Variants in AEBP2 observed in about 807,000 individuals in gnomAD.
AEBP2 encodes AE binding protein 2.
Under a neutral mutation model 50.8 loss-of-function variants are expected in AEBP2, and 10 were observed. That is an observed-to-expected ratio of 0.20 (90% confidence interval 0.12 to 0.33). AEBP2 has a LOEUF of 0.33. Among genes scored for constraint, AEBP2 ranks in the 10% least tolerant of loss-of-function variants. The probability of loss-of-function intolerance (pLI) is 1.00; values close to 1 mark genes in which losing one functional copy is unlikely to be tolerated. For missense variants in AEBP2, 570 were observed against 688.0 expected, an observed-to-expected ratio of 0.83 and a Z score of 1.92; for synonymous variants, 296 against 261.3, an observed-to-expected ratio of 1.13 and a Z score of -1.28.
intron 1 of AEBP2, among the ~76,000 whole-genome samples, chr12:19,461,208 C>T (rs913096868): frequency 1.3e-5 from 2 of 152,142 alleles, no homozygotes; most frequent in East Asian, 1.9e-4. Flanking sequence ...AGCAGATACA[C>T]ACCTTTTCAT....
chr12:19,478,425 A>G (rs1014570730), intron 3 of AEBP2, among the ~76,000 whole-genome samples: 4 of 152,064 alleles, frequency 2.6e-5, no homozygotes, highest in Non-Finnish European at 5.9e-5. Flanking sequence ...CCTCCCAAGT[A>G]AGCTGAGATT....
chr12:19,413,785 G>C (rs2095740705), intron 1 of AEBP2, among the ~76,000 whole-genome samples: 1 of 152,120 alleles, frequency 6.6e-6, no homozygotes, highest in African/African-American at 2.4e-5. Context: ...CTGGTAGTGA[G>C]CAGTGAGGAC....
chr12:19,510,937 G>T (rs1179442896), intron 5 of AEBP2, among the ~76,000 whole-genome samples: 1 of 130,482 alleles, frequency 7.7e-6, no homozygotes, highest in African/African-American at 3.0e-5. Context: ...CACAGCTCCT[G>T]GGCAGGTGAT....
At chr12:19,480,128 A>T (rs1311071026) in intron 3 of AEBP2, among the ~76,000 whole-genome samples, 1 of 151,678 alleles carries the variant, frequency 6.6e-6, no homozygotes, top group East Asian at 1.9e-4. Context: ...TTTGTCATGG[A>T]GTCTCACTCT....
At position 19,522,175 on chromosome 12, in the gene AEBP2, A is replaced by T. The variant is rs1402816899; in HGVS notation, c.*4058A>T. ...TTCATAAAAGGGAAGAAATTGTTAGAAAATTTCCTGTGTACGTAGTTTGTT... is the reference window on the plus strand; with the variant it reads ...TTCATAAAAGGGAAGAAATTGTTAGTAAATTTCCTGTGTACGTAGTTTGTT... On this transcript the variant is annotated 3_prime_UTR_variant, in exon 8 of 8. Transcript: ENST00000266508. 4 of 152,128 alleles carry T rather than the reference A, an allele frequency of 2.6e-5. No individual in the cohort carries two copies. Among genetic ancestry groups the T allele is most frequent in the Non-Finnish European group, 5.9e-5 (4 of 68,002 alleles). The allele number at this position is 152,128 out of a possible 1,614,324, so 9.4% of individuals were successfully genotyped here. A position where few individuals can be genotyped will look rare whatever the true frequency, so the allele number is the denominator to read the frequency against.
At chr12:19,513,889 T>A (rs1406429641) in intron 6 of AEBP2, among the ~76,000 whole-genome samples, 2 of 139,972 alleles carry the variant, frequency 1.4e-5, no homozygotes, top group Admixed American at 1.4e-4. Flanking sequence ...TATGGCCGCA[T>A]GCATTTTTTT....
rs1592756128 is a variant in AEBP2 at position 19,482,842 on chromosome 12, G to A, written c.987+9487G>A. ...AGGGGATTTTGGCTGCCTCTGCTGT[G>A]TCATATAGTTCACCAGGGAAGTGGG... On this transcript the variant is annotated intron_variant, in intron 3 of 7. Coordinates refer to ENST00000266508, the MANE Select transcript of AEBP2 (RefSeq NM_153207.5). Among the ~76,000 whole-genome samples the A allele has an allele frequency of 2.6e-5, 4 of 152,110 alleles. No individual in the cohort carries two copies. In the East Asian group the frequency reaches 7.7e-4, roughly 29 times the overall value.
intron 2 of AEBP2, among the ~76,000 whole-genome samples, chr12:19,467,727 C>T (rs1948503445): frequency 6.6e-6 from 1 of 152,130 alleles, no homozygotes; most frequent in South Asian, 2.1e-4. Flanking sequence ...TTTAGAGGCT[C>T]AGTGTAAAAT....
intron 5 of AEBP2, among the ~76,000 whole-genome samples, chr12:19,507,182 T>C (rs1949165102): frequency 6.6e-6 from 1 of 152,146 alleles, no homozygotes; most frequent in South Asian, 2.1e-4. Context: ...AGCATAAGGA[T>C]TGAAGTGTTT....
intron 3 of AEBP2, among the ~76,000 whole-genome samples, chr12:19,486,888 C>T (rs1412716335): frequency 6.6e-6 from 1 of 151,898 alleles, no homozygotes. Flanking sequence ...CACCTCCTGG[C>T]CTCCAACGAT....
intron 1 of AEBP2, among the ~76,000 whole-genome samples, chr12:19,454,579 C>G (rs1362925779): frequency 6.6e-6 from 1 of 152,106 alleles, no homozygotes; most frequent in Non-Finnish European, 1.5e-5. Context: ...TTCTGAAATT[C>G]GTAGATTTTA....
In AEBP2 at chr12:19,439,536, G is replaced by T. The variant is rs557738729; in HGVS notation, c.-164G>T. ...GTAGTCGCGCGCCTGTCCCCGCGCG[G>T]GCTCCGTAGCGCGTGTGCAGGCTGA... is the stretch of plus-strand genomic sequence containing the variant. On this transcript the variant is annotated 5_prime_UTR_variant, in exon 1 of 8. Transcript: ENST00000266508. 2.5e-4 allele frequency: 224 copies of T among 911,788 alleles called. 5 individuals are homozygous for T. In the South Asian group the frequency reaches 4.0e-3, roughly 16 times the overall value. 56.5% of individuals were successfully genotyped at this position (911,788 alleles called of 1,614,324 possible).
Position 19,440,140 on chromosome 12 carries a change from C to T in AEBP2, c.441C>T (p.Ser147=), listed in dbSNP as rs1288714458. The T allele has an allele frequency of 2.7e-6, 4 of 1,505,594 alleles. No individual in the cohort carries two copies. The highest frequency in any genetic ancestry group is 1.4e-5 in the African/African-American group (1 of 69,232). 93.3% of individuals were successfully genotyped at this position (1,505,594 alleles called of 1,614,324 possible). Reference sequence around the variant, plus strand: ...CGTTGAGCCCCGGCGCCGCCAGCAGCAGCAGCGGGGATGGGGACGGCAAGG... The same window carrying T: ...CGTTGAGCCCCGGCGCCGCCAGCAGTAGCAGCGGGGATGGGGACGGCAAGG... ...TRSLSPGAAS[S]SSGDGDGKEG... is the part of the protein sequence containing the mutation. The change falls in exon 1 of 8, where the codon AGC becomes AGT. Residue 147 remains serine (S), a synonymous_variant. Transcript: ENST00000266508.
chr12:19,460,445 C>T (rs1440226101), intron 1 of AEBP2, among the ~76,000 whole-genome samples: 1 of 152,056 alleles, frequency 6.6e-6, no homozygotes, highest in Non-Finnish European at 1.5e-5. Flanking sequence ...ACCTCCTCCT[C>T]CCAGGTTCAA....
chr12:19,464,107 C>T (rs77306641), intron 2 of AEBP2, among the ~76,000 whole-genome samples: 2,742 of 152,206 alleles, frequency 0.018, 37 homozygotes, highest in Middle Eastern at 0.031. Flanking sequence ...TCTGAGTAAC[C>T]AGTAAAATGT....
At chr12:19,460,267 A>G (rs1948349926) in intron 1 of AEBP2, among the ~76,000 whole-genome samples, 1 of 152,218 alleles carries the variant, frequency 6.6e-6, no homozygotes, top group Admixed American at 6.5e-5. Context: ...ATCATTATAA[A>G]GCTTACTTAA....
rs937560752 is a variant in AEBP2 at position 19,521,681 on chromosome 12, C to T, written c.*3564C>T. ...AATTGAAAACAGTATGTCAGTAAAT[C>T]TTTGGCCTTAGTGCTTTTTTCCCCC... On this transcript the variant is annotated 3_prime_UTR_variant, in exon 8 of 8. Coordinates refer to ENST00000266508, the MANE Select transcript of AEBP2 (RefSeq NM_153207.5). 2.6e-5 allele frequency: 4 copies of T among 151,996 alleles called. No homozygotes were observed. The highest frequency in any genetic ancestry group is 9.7e-5 in the African/African-American group (4 of 41,410). 9.4% of individuals were successfully genotyped at this position (151,996 alleles called of 1,614,324 possible). A position where few individuals can be genotyped will look rare whatever the true frequency, so the allele number is the denominator to read the frequency against.
chr12:19,464,642 A>T (rs1384682205), intron 2 of AEBP2, among the ~76,000 whole-genome samples: 2 of 151,380 alleles, frequency 1.3e-5, no homozygotes, highest in African/African-American at 4.9e-5. Flanking sequence ...GCTGGAGGGT[A>T]ATGGTGCGGT....
intron 1 of AEBP2, among the ~76,000 whole-genome samples, chr12:19,454,768 A>G (rs994193796): frequency 6.6e-6 from 1 of 152,154 alleles, no homozygotes; most frequent in Non-Finnish European, 1.5e-5. Flanking sequence ...AAGATACGGC[A>G]GGTGGGTGGA....
Sources: allele counts gnomAD v4.1 joint callset (sites outside exome capture counted in the v4.1 genomes callset), GRCh38; gene constraint gnomAD v4.1.1; transcripts MANE v1.5; gene names NCBI Gene and HGNC (gene_info 2026-07-23, HGNC 2026-07-21).